The following PRKAR2A variants were observed in gnomAD, a reference collection of about 807,000 sequenced individuals.
PRKAR2A encodes the protein cAMP-dependent protein kinase type II-alpha regulatory subunit.
PRKAR2A carries 29 observed loss-of-function variants against 51.9 expected under a neutral mutation model. The ratio of observed to expected loss-of-function variants is 0.56; its 90% CI spans 0.42 to 0.76. The LOEUF (loss-of-function observed/expected upper bound fraction) is 0.76. PRKAR2A is among the 30% of genes least tolerant of loss of function. The pLI, the probability that PRKAR2A is intolerant of heterozygous loss-of-function variation, is 0.00. For missense variants in PRKAR2A, 445 were observed against 512.1 expected (o/e 0.87, Z 1.26); for synonymous variants, 178 against 186.2 (o/e 0.96, Z 0.36).
chr3:48,833,893 C>T (rs776572491), intron 1 of PRKAR2A, among the ~76,000 whole-genome samples: 5 of 151,446 alleles, frequency 3.3e-5, no homozygotes, highest in South Asian at 2.1e-4. Flanking sequence ...AAAAACTAGC[C>T]GGGCATGGTG....
intron 10 of PRKAR2A, 117 bp from the exon 11 acceptor site, chr3:48,751,835 A>G: frequency 1.6e-6 from 2 of 1,228,798 alleles, no homozygotes; most frequent in Non-Finnish European, 2.2e-6. Flanking sequence ...GACACCAGCC[A>G]CTTGCAAAAA....
chr3:48,753,003 G>C (rs895699049), intron 9 of PRKAR2A, among the ~76,000 whole-genome samples: 4 of 119,340 alleles, frequency 3.4e-5, no homozygotes, highest in African/African-American at 1.3e-4. Context: ...CGCAATATCC[G>C]CTCACTTCAA....
intron 6 of PRKAR2A, among the ~76,000 whole-genome samples, chr3:48,767,365 G>C (rs1178028046): frequency 6.6e-6 from 1 of 152,032 alleles, no homozygotes. Flanking sequence ...TGTAATCCCA[G>C]CTTCTTGGGA....
intron 8 of PRKAR2A, among the ~76,000 whole-genome samples, chr3:48,758,371 G>C (rs550961448): frequency 6.6e-6 from 1 of 151,714 alleles, no homozygotes; most frequent in South Asian, 2.1e-4. Flanking sequence ...CTGAGCTCAG[G>C]AGTTCGAGAC....
chr3:48,767,463 A>T (rs763218677), intron 6 of PRKAR2A, among the ~76,000 whole-genome samples: 3 of 151,726 alleles, frequency 2.0e-5, no homozygotes, highest in Non-Finnish European at 2.9e-5. Context: ...TGGGTAACAG[A>T]GCGAGACCCT....
At position 48,765,085 on chromosome 3, in the gene PRKAR2A, C is replaced by T; in HGVS notation, c.799-7G>A. 1.9e-6 allele frequency: 3 copies of T among 1,613,240 alleles called. No homozygotes were observed. Among genetic ancestry groups the T allele is most frequent in the Non-Finnish European group, 2.5e-6 (3 of 1,179,256 alleles). On this transcript the variant is annotated splice_polypyrimidine_tract_variant and splice_region_variant and intron_variant, in intron 7 of 10. Coordinates refer to ENST00000265563, the MANE Select transcript of PRKAR2A (RefSeq NM_004157.4). ...TCTTCATTCGTTCTGACACCTGAAA[C>T]AACAAATTCACAAATAAAAGGAAAA...
chr3:48,779,749 C>T (rs2082163320), intron 5 of PRKAR2A, among the ~76,000 whole-genome samples: 1 of 149,316 alleles, frequency 6.7e-6, no homozygotes, highest in East Asian at 2.0e-4. Flanking sequence ...CACTACACTC[C>T]CACCTGAGCA....
At chr3:48,762,825 C>T (rs1055930284) in intron 8 of PRKAR2A, among the ~76,000 whole-genome samples, 4 of 152,068 alleles carry the variant, frequency 2.6e-5, no homozygotes, top group African/African-American at 9.7e-5. Context: ...GAACGATCTA[C>T]TGATACATAC....
Position 48,752,278 on chromosome 3 carries a change from T to C in PRKAR2A, c.979A>G (p.Ile327Val). 1 of 1,614,158 alleles carries C rather than the reference T, an allele frequency of 6.2e-7. No individual in the cohort carries two copies. The highest frequency in any genetic ancestry group is 8.5e-7 in the Non-Finnish European group (1 of 1,180,046). ...NKDGGNQEVE[I>V]ARCHKGQYFG... ...TACTGCCCCTTATGGCAGCGGGCAATCTCGACCTCCTGGTTCCCACCATCC... is the reference window on the plus strand; with the variant it reads ...TACTGCCCCTTATGGCAGCGGGCAACCTCGACCTCCTGGTTCCCACCATCC... The change falls in exon 10 of 11, where the codon ATT becomes GTT. Residue 327 changes from isoleucine to valine, a missense_variant. By Grantham distance (29) the Ile-to-Val change is conservative. Coordinates refer to ENST00000265563, the MANE Select transcript of PRKAR2A (RefSeq NM_004157.4).
intron 1 of PRKAR2A, among the ~76,000 whole-genome samples, chr3:48,818,597 T>A (rs1200325358): frequency 6.6e-6 from 1 of 151,498 alleles, no homozygotes; most frequent in African/African-American, 2.4e-5. Flanking sequence ...AAAAAAAAAA[T>A]GTTTTAATTA....
At chr3:48,788,404 T>C (rs1036210714) in intron 4 of PRKAR2A, among the ~76,000 whole-genome samples, 1 of 152,128 alleles carries the variant, frequency 6.6e-6, no homozygotes, top group Non-Finnish European at 1.5e-5. Flanking sequence ...CCTCAAATGA[T>C]CTGCCTGCCT....
chr3:48,801,503 G>T (rs2107343877), intron 2 of PRKAR2A, among the ~76,000 whole-genome samples: 1 of 152,206 alleles, frequency 6.6e-6, no homozygotes, highest in African/African-American at 2.4e-5. Context: ...TGGCCAGGCT[G>T]ATCTCGAACT....
In PRKAR2A at chr3:48,833,114, T is replaced by C. The variant is rs561659052; in HGVS notation, c.262+14221A>G. The stretch of plus-strand genomic sequence containing the variant: ...ACACTGGCGCAATCACAGCTCACCA[T>C]AGCCTCAAACTCCTGGGCTCAAAGA... On this transcript the variant is annotated intron_variant, in intron 1 of 10. Transcript: ENST00000265563. Among the ~76,000 whole-genome samples the C allele has an allele frequency of 1.1e-3, 163 of 152,290 alleles. 1 individual carries two copies. Among genetic ancestry groups the C allele is most frequent in the African/African-American group, 3.6e-3 (148 of 41,556 alleles).
At chr3:48,798,030 G>A (rs540449997) in intron 2 of PRKAR2A, among the ~76,000 whole-genome samples, 2 of 152,064 alleles carry the variant, frequency 1.3e-5, no homozygotes, top group South Asian at 2.1e-4. Context: ...TTGGCTCACC[G>A]CAACCTCTGC....
chr3:48,799,754 C>T lies in PRKAR2A; in HGVS notation c.299-5705G>A, dbSNP rs376267941. Reference sequence around the variant, plus strand: ...TCACTAGAGTCAAAATATTCTGTTCCTAAATGTGGCATGATGCCAATACAC... The same window carrying T: ...TCACTAGAGTCAAAATATTCTGTTCTTAAATGTGGCATGATGCCAATACAC... On this transcript the variant is annotated intron_variant, in intron 2 of 10. Coordinates refer to ENST00000265563, the MANE Select transcript of PRKAR2A (RefSeq NM_004157.4). Among the ~76,000 whole-genome samples the T allele has an allele frequency of 3.0e-4, 45 of 152,268 alleles. 2 individuals carry two copies. The South Asian group carries it at 4.4e-3, about 15-fold the overall frequency.
intron 4 of PRKAR2A, among the ~76,000 whole-genome samples, chr3:48,788,347 AG>A (rs1331891381): frequency 6.6e-6 from 1 of 151,962 alleles, no homozygotes; most frequent in African/African-American, 2.4e-5. Context: ...TATTTTTAGT[AG>A]AGACGGGGTT....
chr3:48,766,002 C>G (rs2081935261), intron 6 of PRKAR2A, among the ~76,000 whole-genome samples: 1 of 151,996 alleles, frequency 6.6e-6, no homozygotes, highest in South Asian at 2.1e-4. Flanking sequence ...GGGCAAATTG[C>G]TTGAGCCCAG....
In PRKAR2A at chr3:48,765,045, C is replaced by T; in HGVS notation, c.832G>A (p.Gly278Arg). ...TCTCCATCCTTATAGATCTTCTCTC[C>T]TATTACATCCACAATCTTCATTCGT... ...SERMKIVDVI[G>R]EKIYKDGERI... is the part of the protein sequence containing the mutation. Residue 278 changes from glycine to arginine, a missense_variant, in exon 8 of 11, where the codon GGA (glycine) becomes AGA (arginine). Physicochemically the swap from Gly to Arg is moderately radical, Grantham distance 125. Coordinates refer to ENST00000265563, the MANE Select transcript of PRKAR2A (RefSeq NM_004157.4). 1.9e-6 allele frequency: 3 copies of T among 1,614,154 alleles called. No homozygotes were observed. The highest frequency in any genetic ancestry group is 2.5e-6 in the Non-Finnish European group (3 of 1,180,014).
intron 6 of PRKAR2A, among the ~76,000 whole-genome samples, chr3:48,767,479 G>A (rs1489743757): frequency 2.0e-5 from 3 of 148,954 alleles, no homozygotes; most frequent in Non-Finnish European, 3.0e-5. Context: ...ACCCTGCCTC[G>A]AAAAAAACAA....
Sources: allele counts gnomAD v4.1 joint callset (sites outside exome capture counted in the v4.1 genomes callset), GRCh38; gene constraint gnomAD v4.1.1; transcripts MANE v1.5; gene names NCBI Gene and HGNC (gene_info 2026-07-23, HGNC 2026-07-21).